The following SLC16A9 variants were observed in gnomAD, a reference collection of about 807,000 sequenced individuals.
SLC16A9 encodes the protein monocarboxylate transporter 9.
SLC16A9 carries 26 observed loss-of-function variants against 44.3 expected under a neutral mutation model. That is an observed-to-expected ratio of 0.59 (90% CI 0.43 to 0.81). The LOEUF is 0.81. SLC16A9 is among the 40% of genes least tolerant of loss of function. The pLI is 0.00. For synonymous variants in SLC16A9, 230 were observed against 225.1 expected (o/e 1.02, Z -0.19); for missense variants, 559 against 595.8 (o/e 0.94, Z 0.64).
intron 4 of SLC16A9, among the ~76,000 whole-genome samples, chr10:59,663,502 A>G (rs12258333): frequency 0.029 from 4,481 of 152,200 alleles, 210 homozygotes; most frequent in African/African-American, 0.1. Context: ...GCAAACTAAC[A>G]CAGGAACGGA....
intron 2 of SLC16A9, among the ~76,000 whole-genome samples, chr10:59,680,333 T>A (rs1839959802): frequency 6.6e-6 from 1 of 152,232 alleles, no homozygotes; most frequent in Non-Finnish European, 1.5e-5. Context: ...TGAGCTACTG[T>A]CCAAATCTAG....
At chr10:59,679,053 T>C (rs77927383) in intron 2 of SLC16A9, among the ~76,000 whole-genome samples, 388 of 152,316 alleles carry the variant, frequency 2.5e-3, no homozygotes, top group Non-Finnish European at 4.4e-3. Context: ...CTGACTCGTA[T>C]TATGAGTTTG....
rs774976680 is a variant in SLC16A9, at chr10:59,672,752, A to G, written c.340+18T>C. ...ATCTCTTGAAGGTTAGGAAAGTCAT[A>G]GTGACGAGGTTCCTTACCTACAACA... On this transcript the variant is annotated intron_variant, in intron 3 of 5. Transcript: ENST00000395348. The G allele has an allele frequency of 1.3e-5, 21 of 1,605,858 alleles. No individual in the cohort carries two copies. Among genetic ancestry groups the G allele is most frequent in the Admixed American group, 1.0e-4 (6 of 58,496 alleles).
Position 59,663,598 on chromosome 10 carries a change from G to T in SLC16A9, c.436+629C>A, listed in dbSNP as rs967188635. ...ACAGGGAGGGGAACATCACACACCA[G>T]GGCCTGTTGGGGGGTGGGGGGCTAC... On this transcript the variant is annotated intron_variant, in intron 4 of 5. Coordinates refer to ENST00000395348, the MANE Select transcript of SLC16A9 (RefSeq NM_194298.3). Among the ~76,000 whole-genome samples the T allele has an allele frequency of 9.2e-5, 14 of 151,636 alleles. 1 individual carries two copies. Among genetic ancestry groups the T allele is most frequent in the African/African-American group, 3.4e-4 (14 of 41,256 alleles).
chr10:59,652,709 ATC>A lies in SLC16A9; in HGVS notation c.*61_*62del. ...TTGACTCTAGAAAATTTGCTTGAGA[ATC>A]TGTTAAAATATCGTTGCTATATGGT... On this transcript the variant is annotated 3_prime_UTR_variant, in exon 6 of 6. Transcript: ENST00000395348. The A allele has an allele frequency of 7.0e-7, 1 of 1,423,426 alleles. No homozygotes were observed. The highest frequency in any genetic ancestry group is 1.5e-5 in the South Asian group (1 of 65,428). 88.2% of individuals were successfully genotyped at this position (1,423,426 alleles called of 1,614,324 possible). A position where few individuals can be genotyped will look rare whatever the true frequency, so the allele number is the denominator to read the frequency against.
At chr10:59,684,954 A>G (rs568797828) in intron 1 of SLC16A9, among the ~76,000 whole-genome samples, 111 of 152,264 alleles carry the variant, frequency 7.3e-4, no homozygotes, top group Non-Finnish European at 6.2e-4. Flanking sequence ...ATCTATCCCC[A>G]TAAGGGCTGG....
chr10:59,680,908 G>A (rs1449376807), intron 2 of SLC16A9, among the ~76,000 whole-genome samples: 2 of 151,876 alleles, frequency 1.3e-5, no homozygotes, highest in Non-Finnish European at 1.5e-5. Flanking sequence ...ACTTGAACCC[G>A]GGAGGTCGAG....
chr10:59,672,931 A>T lies in SLC16A9; in HGVS notation c.197-18T>A. Reference sequence around the variant, plus strand: ...GACAGGACCTAAAAAAAGAAATGAAACCTTCACTTATTATCATATGATCCA... The same window carrying T: ...GACAGGACCTAAAAAAAGAAATGAATCCTTCACTTATTATCATATGATCCA... On this transcript the variant is annotated intron_variant, in intron 2 of 5. Transcript: ENST00000395348. 6.3e-7 allele frequency: 1 copy of T among 1,592,412 alleles called. No homozygotes were observed. The highest frequency in any genetic ancestry group is 8.5e-7 in the Non-Finnish European group (1 of 1,172,788).
chr10:59,672,700 A>G (rs940044025), intron 3 of SLC16A9, 70 bp downstream of exon 3: 14 of 1,424,996 alleles, frequency 9.8e-6, no homozygotes, highest in Middle Eastern at 1.8e-4. Flanking sequence ...ACTGGATCAT[A>G]AACCTGGCAC....
At chr10:59,662,222 T>C (rs921749645) in intron 4 of SLC16A9, among the ~76,000 whole-genome samples, 1 of 151,886 alleles carries the variant, frequency 6.6e-6, no homozygotes, top group Non-Finnish European at 1.5e-5. Context: ...GAGAAAATAT[T>C]TGCAATCTAT....
intron 1 of SLC16A9, among the ~76,000 whole-genome samples, chr10:59,701,763 C>T (rs747134605): frequency 6.6e-6 from 1 of 152,150 alleles, no homozygotes; most frequent in African/African-American, 2.4e-5. Context: ...TAGCTATGCT[C>T]CCTCCCTCGT....
chr10:59,702,931 C>T (rs1336710382), intron 1 of SLC16A9, among the ~76,000 whole-genome samples: 1 of 152,166 alleles, frequency 6.6e-6, no homozygotes, highest in Non-Finnish European at 1.5e-5. Flanking sequence ...ATGAAGATTG[C>T]TTTGTCTGAA....
intron 3 of SLC16A9, among the ~76,000 whole-genome samples, chr10:59,666,229 G>C (rs1262170751): frequency 6.6e-6 from 1 of 151,636 alleles, no homozygotes; most frequent in African/African-American, 2.4e-5. Flanking sequence ...AACCCTGGAG[G>C]TGGAGGTTGC....
chr10:59,679,845 TC>T (rs1302261935), intron 2 of SLC16A9, among the ~76,000 whole-genome samples: 1 of 152,168 alleles, frequency 6.6e-6, no homozygotes, highest in East Asian at 1.9e-4. Context: ...TGCATGGACT[TC>T]CCTCTCCCTG....
intron 2 of SLC16A9, among the ~76,000 whole-genome samples, chr10:59,678,546 C>CTTTTTTTTTTTTTTTTTTTTTTTTTTTTT (rs751112027): frequency 6.5e-5 from 2 of 30,594 alleles, no homozygotes; most frequent in African/African-American, 1.8e-4. Flanking sequence ...TTTTCTTTTT[C>CTTTTTTTTTTTTTTTTTTTTTTTTTTTTT]TTTTTTTTGA....
chr10:59,666,061 C>T (rs184359136), intron 3 of SLC16A9, among the ~76,000 whole-genome samples: 46 of 151,878 alleles, frequency 3.0e-4, no homozygotes, highest in Non-Finnish European at 6.3e-4. Flanking sequence ...TTTGGGAGGC[C>T]GAGGTGGGAG....
At chr10:59,682,951 C>G (rs1369027798) in intron 2 of SLC16A9, among the ~76,000 whole-genome samples, 1 of 151,906 alleles carries the variant, frequency 6.6e-6, no homozygotes, top group African/African-American at 2.4e-5. Flanking sequence ...GTTTTTTAAG[C>G]CTTTTTTTCT....
chr10:59,653,048 G>C, intron 5 of SLC16A9, 98 bp from the exon 6 acceptor site: 1 of 826,026 alleles, frequency 1.2e-6, no homozygotes, highest in Non-Finnish European at 1.8e-6. Context: ...GTTATAATTA[G>C]TATATATATT....
chr10:59,703,344 T>C (rs1435211312), intron 1 of SLC16A9, among the ~76,000 whole-genome samples: 1 of 152,228 alleles, frequency 6.6e-6, no homozygotes, highest in Admixed American at 6.5e-5. Context: ...GGTCTCAAAC[T>C]GCTGGGCTGA....
Sources: allele counts gnomAD v4.1 joint callset (sites outside exome capture counted in the v4.1 genomes callset), GRCh38; gene constraint gnomAD v4.1.1; transcripts MANE v1.5; gene names NCBI Gene and HGNC (gene_info 2026-07-23, HGNC 2026-07-21).